The following ATP2B2 variants were observed in gnomAD, a reference collection of about 807,000 sequenced individuals.
ATP2B2 encodes ATPase plasma membrane Ca2+ transporting 2, also known as plasma membrane calcium-transporting ATPase 2.
ATP2B2 carries 15 observed loss-of-function variants against 120.0 expected under a neutral mutation model. The observed-to-expected ratio is 0.12, with a 90% CI of 0.08 to 0.19. The LOEUF (loss-of-function observed/expected upper bound fraction) is 0.19, where lower values mean the gene tolerates loss of function less well. Ranked by LOEUF, ATP2B2 falls within the 10% of genes least tolerant of loss-of-function variation. The pLI is 1.00. For synonymous variants in ATP2B2, 694 were observed against 700.3 expected, an observed-to-expected ratio of 0.99 and a Z score of 0.14; for missense variants, 1,045 against 1,719.8, an observed-to-expected ratio of 0.61 and a Z score of 6.94.
rs2060233265 is a variant in ATP2B2, at chr3:10,340,153, GCC to G, written c.3237+87_3237+88del. 7.7e-7 allele frequency: 1 copy of G among 1,299,508 alleles called. No individual in the cohort carries two copies. Among genetic ancestry groups the G allele is most frequent in the Non-Finnish European group, 1.1e-6 (1 of 908,798 alleles). 80.5% of individuals were successfully genotyped at this position (1,299,508 alleles called of 1,614,324 possible). A position where few individuals can be genotyped will look rare whatever the true frequency, so the allele number is the denominator to read the frequency against. On this transcript the variant is annotated intron_variant, in intron 21 of 22. Transcript: ENST00000360273. This position sits in a 1 kb window ranked among gnomAD's most constrained non-coding sequence, Gnocchi z 5.0. ...GGAGGAGCTTGCCTGGGGTCTGGCA[GCC>G]CATTCCTGGGGGTCCTGGATTCTCC...
Position 10,326,983 on chromosome 3 carries a change from AGT to A in ATP2B2, c.*1829_*1830del. 2.5e-6 allele frequency: 1 copy of A among 398,254 alleles called. No homozygotes were observed. Among genetic ancestry groups the A allele is most frequent in the Non-Finnish European group, 4.4e-6 (1 of 226,022 alleles). The allele number at this position is 398,254 out of a possible 1,614,324, so 24.7% of individuals were successfully genotyped here. ...AATGGATTTTGCAAGAGAGGCGGAAAGTGTTTGGTTTTCCTCGAAGCATGGGA... is the reference window on the plus strand; with the variant it reads ...AATGGATTTTGCAAGAGAGGCGGAAAGTTTGGTTTTCCTCGAAGCATGGGA... On this transcript the variant is annotated 3_prime_UTR_variant, in exon 23 of 23. Transcript: ENST00000360273.
intron 22 of ATP2B2, chr3:10,336,332 G>C: frequency 6.5e-7 from 1 of 1,545,586 alleles, no homozygotes; most frequent in Non-Finnish European, 8.7e-7. Flanking sequence ...GACAAGTTGC[G>C]AGAAGAACGA....
intron 2 of ATP2B2, among the ~76,000 whole-genome samples, chr3:10,596,488 G>C (rs1242379570): frequency 6.6e-6 from 1 of 152,210 alleles, no homozygotes; most frequent in African/African-American, 2.4e-5. Context: ...CTTCAAGGGA[G>C]ATGCCAAGGC....
At chr3:10,371,780 G>C in intron 12 of ATP2B2, 29 bp downstream of exon 12, 1 of 1,614,108 alleles carries the variant, frequency 6.2e-7, no homozygotes. Flanking sequence ...TGTTGCTCCA[G>C]GTGGTGGATG....
At chr3:10,415,335 A>C (rs2062744394) in intron 2 of ATP2B2, among the ~76,000 whole-genome samples, 1 of 152,214 alleles carries the variant, frequency 6.6e-6, no homozygotes, top group East Asian at 1.9e-4. Flanking sequence ...ATTAAGCCAG[A>C]CGTTCTGGAG....
At chr3:10,482,575 G>C (rs921335663) in intron 1 of ATP2B2, among the ~76,000 whole-genome samples, 3 of 152,188 alleles carry the variant, frequency 2.0e-5, no homozygotes, top group Admixed American at 6.5e-5. Context: ...CCCAAGGCTG[G>C]AACCCTAGAG....
chr3:10,590,307 G>C (rs1442030583), intron 2 of ATP2B2, among the ~76,000 whole-genome samples: 2 of 152,216 alleles, frequency 1.3e-5, no homozygotes, highest in South Asian at 2.1e-4. Flanking sequence ...GGTAAATTTG[G>C]GGGGTAATGG....
intron 2 of ATP2B2, among the ~76,000 whole-genome samples, chr3:10,438,921 G>A (rs2063562429): frequency 1.3e-5 from 2 of 152,264 alleles, no homozygotes; most frequent in Non-Finnish European, 1.5e-5. Context: ...CTGGGGTCTA[G>A]GCCCCTGGGC....
chr3:10,663,574 G>A (rs1440843281), intron 1 of ATP2B2, among the ~76,000 whole-genome samples: 2 of 152,126 alleles, frequency 1.3e-5, no homozygotes, highest in Non-Finnish European at 2.9e-5. Context: ...GTGACCACAC[G>A]CTCCCAGGTG....
rs1469035791 is a variant in ATP2B2, at chr3:10,505,546, G to C, written c.-401C>G. On this transcript the variant is annotated 5_prime_UTR_variant, in exon 1 of 23. Transcript: ENST00000360273. ...TCGCGGTGCGGCAGCTGGTGCCGCG[G>C]CTGAGCCCAGCCAGCGTGCCCGGGC... The C allele has an allele frequency of 6.7e-6, 1 of 148,674 alleles. No individual in the cohort carries two copies. The highest frequency in any genetic ancestry group is 2.0e-4 in the East Asian group (1 of 4,952). The allele number at this position is 148,674 out of a possible 1,614,324, so 9.2% of individuals were successfully genotyped here.
chr3:10,530,612 C>T (rs928953147), intron 3 of ATP2B2, among the ~76,000 whole-genome samples: 4 of 152,156 alleles, frequency 2.6e-5, no homozygotes, highest in Admixed American at 6.5e-5. Flanking sequence ...TTCGTTCTCT[C>T]GTTGAAGAGA....
At position 10,402,138 on chromosome 3, in the gene ATP2B2, A is replaced by T; in HGVS notation, c.608T>A (p.Ile203Asn). 1 of 1,614,146 alleles carries T rather than the reference A, an allele frequency of 6.2e-7. No homozygotes were observed. Among genetic ancestry groups the T allele is most frequent in the Non-Finnish European group, 8.5e-7 (1 of 1,180,050 alleles). Residue 203 changes from isoleucine (I) to asparagine (N), a missense_variant, in exon 4 of 23, where the codon ATC becomes AAC. Transcript: ENST00000360273. This position sits in a 1 kb window ranked among gnomAD's most constrained non-coding sequence, Gnocchi z 4.9. The stretch of plus-strand genomic sequence containing the variant: ...CCCAACCACGATCTCAGCCACAGGG[A>T]TCTGGACCACCTGGCCAGCCCGGAC... ...TVVRAGQVVQ[I>N]PVAEIVVGDI...
chr3:10,677,824 A>T (rs2071281669), intron 1 of ATP2B2, among the ~76,000 whole-genome samples: 1 of 152,242 alleles, frequency 6.6e-6, no homozygotes, highest in Non-Finnish European at 1.5e-5. Flanking sequence ...TTATCAAAGC[A>T]ACATTCATGA....
chr3:10,527,277 G>A (rs891170746), intron 3 of ATP2B2, among the ~76,000 whole-genome samples: 2 of 152,148 alleles, frequency 1.3e-5, no homozygotes, highest in African/African-American at 4.8e-5. Flanking sequence ...GGGCTCCCTC[G>A]CTTATCTCAT....
rs553413289 is a variant in ATP2B2, at chr3:10,500,470, A to G, written c.-320+4995T>C. Among the ~76,000 whole-genome samples, 5 of 151,842 alleles carry G rather than the reference A, an allele frequency of 3.3e-5. No homozygotes were observed. The East Asian group carries it at 9.7e-4, about 29-fold the overall frequency. ...TCTTTGCAGATGGAATTAGCTAAGG[A>G]TTTTGAGATGAAATCATCTTGGGTC... On this transcript the variant is annotated intron_variant, in intron 1 of 22. Coordinates refer to ENST00000360273, the MANE Select transcript of ATP2B2 (RefSeq NM_001001331.4).
intron 1 of ATP2B2, among the ~76,000 whole-genome samples, chr3:10,651,832 A>C (rs2070475932): frequency 6.6e-6 from 1 of 152,128 alleles, no homozygotes; most frequent in African/African-American, 2.4e-5. Flanking sequence ...CAAGGATTAT[A>C]ACCTTCTGGA....
chr3:10,405,982 G>A (rs1234137858), intron 3 of ATP2B2, among the ~76,000 whole-genome samples: 1 of 152,172 alleles, frequency 6.6e-6, no homozygotes, highest in Admixed American at 6.5e-5. Flanking sequence ...AGTGCCTAGA[G>A]GTCTCTGAGC....
chr3:10,706,578 C>G (rs2071899771), intron 1 of ATP2B2, among the ~76,000 whole-genome samples: 1 of 152,182 alleles, frequency 6.6e-6, no homozygotes, highest in Admixed American at 6.5e-5. Context: ...CCAGCCCACA[C>G]AGAGAAGAGG....
chr3:10,506,887 C>G (rs1476185231), upstream of ATP2B2, among the ~76,000 whole-genome samples: 1 of 152,248 alleles, frequency 6.6e-6, no homozygotes, highest in Non-Finnish European at 1.5e-5. Flanking sequence ...GCACAGAATA[C>G]CAATTTGTCT....
Sources: allele counts gnomAD v4.1 joint callset (sites outside exome capture counted in the v4.1 genomes callset), GRCh38; gene constraint gnomAD v4.1.1; non-coding constraint Gnocchi (gnomAD v3.1); transcripts MANE v1.5; gene names NCBI Gene and HGNC (gene_info 2026-07-23, HGNC 2026-07-21).